Variants in CSRNP3 observed in about 807,000 individuals in gnomAD.
CSRNP3 encodes the protein cysteine and serine rich nuclear protein 3.
CSRNP3 carries 12 observed loss-of-function variants against 48.0 expected under a neutral mutation model. That is an observed-to-expected ratio of 0.25 (90% CI 0.16 to 0.41). The LOEUF is 0.41. CSRNP3 is among the 10% of genes least tolerant of loss of function. The pLI, the probability that CSRNP3 is intolerant of heterozygous loss-of-function variation, is 1.00. For synonymous variants in CSRNP3, 263 were observed against 269.7 expected (o/e 0.98, Z 0.24); for missense variants, 580 against 724.4 (o/e 0.80, Z 2.29).
chr2:165,546,776 G>A (rs1685035795), intron 3 of CSRNP3, among the ~76,000 whole-genome samples: 1 of 151,962 alleles, frequency 6.6e-6, no homozygotes, highest in Non-Finnish European at 1.5e-5. Context: ...AAGAAAGGAG[G>A]GATTTAAACT....
chr2:165,598,113 T>G (rs1685842396), intron 4 of CSRNP3, among the ~76,000 whole-genome samples: 1 of 152,076 alleles, frequency 6.6e-6, no homozygotes, highest in South Asian at 2.1e-4. Context: ...AATGAAAATA[T>G]TTGTGGTTGA....
At chr2:165,612,142 CTTTGAAACGTTATTTTTG>C (rs571310856) in intron 4 of CSRNP3, among the ~76,000 whole-genome samples, 4 of 152,084 alleles carry the variant, frequency 2.6e-5, no homozygotes, top group African/African-American at 9.6e-5. Flanking sequence ...CAAAGATGTT[CTTTGAAACGTTATTTTTG>C]TTGCATTCTT....
At chr2:165,635,542 G>T (rs991025950) in intron 4 of CSRNP3, among the ~76,000 whole-genome samples, 3 of 152,198 alleles carry the variant, frequency 2.0e-5, no homozygotes, top group Non-Finnish European at 4.4e-5. Context: ...AGGATTATTT[G>T]TGTTCAGGTA....
chr2:165,550,649 T>G (rs1448817257), intron 3 of CSRNP3, among the ~76,000 whole-genome samples: 1 of 152,230 alleles, frequency 6.6e-6, no homozygotes, highest in Non-Finnish European at 1.5e-5. Context: ...CAGAACACCA[T>G]CAAGGCACAC....
intron 6 of CSRNP3, among the ~76,000 whole-genome samples, chr2:165,677,077 G>C (rs866851493): frequency 2.0e-5 from 3 of 152,208 alleles, no homozygotes; most frequent in Admixed American, 6.5e-5. Flanking sequence ...CATCTTTGCT[G>C]TTTGCCAACT....
chr2:165,536,425 TA>T (rs929294029), intron 3 of CSRNP3, among the ~76,000 whole-genome samples: 1 of 151,934 alleles, frequency 6.6e-6, no homozygotes, highest in African/African-American at 2.4e-5. Context: ...TTCAGCTGAA[TA>T]TGGCTTTCAC....
chr2:165,522,519 C>G (rs1278494467), intron 3 of CSRNP3, among the ~76,000 whole-genome samples: 1 of 151,854 alleles, frequency 6.6e-6, no homozygotes, highest in African/African-American at 2.4e-5. Flanking sequence ...AAGGTAAAAG[C>G]AAGTGAAGTG....
intron 3 of CSRNP3, among the ~76,000 whole-genome samples, chr2:165,530,061 A>G (rs1215371844): frequency 6.6e-6 from 1 of 152,192 alleles, no homozygotes; most frequent in African/African-American, 2.4e-5. Context: ...TGCCAAATGT[A>G]GCTAAAATGC....
At chr2:165,487,837 A>T (rs1451654710) in intron 1 of CSRNP3, among the ~76,000 whole-genome samples, 5 of 148,034 alleles carry the variant, frequency 3.4e-5, no homozygotes, top group African/African-American at 1.3e-4. Context: ...GCCGCTGCAA[A>T]ATCATGCCAA....
intron 4 of CSRNP3, among the ~76,000 whole-genome samples, chr2:165,617,402 C>T (rs1019538036): frequency 6.6e-6 from 1 of 151,432 alleles, no homozygotes; most frequent in Non-Finnish European, 1.5e-5. Context: ...GCCTAGTGTC[C>T]ATATGATTTC....
chr2:165,474,651 A>C (rs1558910150), intron 1 of CSRNP3, among the ~76,000 whole-genome samples: 1 of 152,232 alleles, frequency 6.6e-6, no homozygotes, highest in South Asian at 2.1e-4. Context: ...ATGCAAAATT[A>C]CAAAGCAAGA....
chr2:165,554,017 G>A (rs1157105485), intron 3 of CSRNP3, among the ~76,000 whole-genome samples: 1 of 152,122 alleles, frequency 6.6e-6, no homozygotes, highest in Non-Finnish European at 1.5e-5. Context: ...CATCAAAACT[G>A]CTTGTGAAGA....
chr2:165,607,463 A>G (rs375805280), intron 4 of CSRNP3, among the ~76,000 whole-genome samples: 1 of 152,228 alleles, frequency 6.6e-6, no homozygotes, highest in South Asian at 2.1e-4. Context: ...AAAAGTAGGG[A>G]CCCATATCTT....
At chr2:165,666,874 A>T (rs1687225538) in intron 5 of CSRNP3, among the ~76,000 whole-genome samples, 1 of 82,828 alleles carries the variant, frequency 1.2e-5, no homozygotes, top group Non-Finnish European at 2.8e-5. Flanking sequence ...TAAGAAAGAG[A>T]GAGAGGAAGA....
intron 3 of CSRNP3, among the ~76,000 whole-genome samples, chr2:165,524,589 G>A (rs1476881651): frequency 6.6e-6 from 1 of 151,990 alleles, no homozygotes; most frequent in Admixed American, 6.6e-5. Context: ...ACTGTTCCCT[G>A]ACCTTCCCCC....
chr2:165,491,786 T>G (rs1157388829), intron 1 of CSRNP3, among the ~76,000 whole-genome samples: 2 of 109,894 alleles, frequency 1.8e-5, no homozygotes, highest in Admixed American at 2.1e-4. Flanking sequence ...AATATCACAC[T>G]CTGGGGACTG....
At chr2:165,493,816 G>A (rs1311324324) in intron 1 of CSRNP3, among the ~76,000 whole-genome samples, 1 of 151,968 alleles carries the variant, frequency 6.6e-6, no homozygotes, top group African/African-American at 2.4e-5. Flanking sequence ...TGGTATCCTT[G>A]TTGCAAATAA....
At chr2:165,615,425 C>T (rs1241014248) in intron 4 of CSRNP3, among the ~76,000 whole-genome samples, 1 of 151,758 alleles carries the variant, frequency 6.6e-6, no homozygotes, top group Non-Finnish European at 1.5e-5. Context: ...TGCTTGTAGT[C>T]TCAGATACTC....
intron 4 of CSRNP3, among the ~76,000 whole-genome samples, chr2:165,623,041 G>T (rs1231380930): frequency 1.3e-5 from 2 of 152,142 alleles, no homozygotes; most frequent in African/African-American, 4.8e-5. Flanking sequence ...TGCAGCCACA[G>T]ATTCGACCAG....
Sources: allele counts gnomAD v4.1 joint callset (sites outside exome capture counted in the v4.1 genomes callset), GRCh38; gene constraint gnomAD v4.1.1; transcripts MANE v1.5; gene names NCBI Gene and HGNC (gene_info 2026-07-23, HGNC 2026-07-21).